TLK1: variants seen among roughly 807,000 people sequenced by gnomAD.
TLK1 encodes the protein tousled like kinase 1.
Under a neutral mutation model 105.3 loss-of-function variants are expected in TLK1, and 24 were observed. The observed-to-expected ratio is 0.23, with a 90% CI of 0.17 to 0.32. TLK1 has a LOEUF of 0.32. Among genes scored for constraint, TLK1 ranks in the 10% least tolerant of loss-of-function variants. The probability of loss-of-function intolerance (pLI) is 1.00; values close to 1 mark genes in which losing one functional copy is unlikely to be tolerated. For missense variants in TLK1, 558 were observed against 910.5 expected (o/e 0.61, Z 4.98); for synonymous variants, 321 against 310.4 (o/e 1.03, Z -0.36).
At chr2:171,031,469 G>C (rs1206945748) in intron 11 of TLK1, among the ~76,000 whole-genome samples, 1 of 152,072 alleles carries the variant, frequency 6.6e-6, no homozygotes, top group Non-Finnish European at 1.5e-5. Flanking sequence ...AAACAATTCA[G>C]TTAAATTACT....
chr2:171,196,253 A>G (rs1269338679), intron 1 of TLK1, among the ~76,000 whole-genome samples: 1 of 151,652 alleles, frequency 6.6e-6, no homozygotes, highest in Non-Finnish European at 1.5e-5. Context: ...AGTAGCTTTG[A>G]ATATAGGTGC....
In TLK1 at chr2:170,993,764, C is replaced by T. The variant is rs370522079; in HGVS notation, c.*16G>A. ...GGAAGCAAATTCAAAGATATCATGC[C>T]AATCTTGGAGGAAAGTCAGTAAGTA... On this transcript the variant is annotated 3_prime_UTR_variant, in exon 21 of 21. Coordinates refer to ENST00000431350, the MANE Select transcript of TLK1 (RefSeq NM_012290.5). The T allele has an allele frequency of 3.3e-5, 51 of 1,534,160 alleles. No homozygotes were observed. Among genetic ancestry groups the T allele is most frequent in the Non-Finnish European group, 4.5e-5 (51 of 1,137,648 alleles).
intron 11 of TLK1, among the ~76,000 whole-genome samples, chr2:171,033,294 C>T (rs1265169058): frequency 6.6e-6 from 1 of 151,952 alleles, no homozygotes; most frequent in African/African-American, 2.4e-5. Flanking sequence ...AGATTTGTCA[C>T]CAAAAGCATA....
At chr2:171,160,981 G>GGCGGCGGCAGCGGCGGCC (rs1553485647), upstream of TLK1, 5 of 195,058 alleles carry the variant, frequency 2.6e-5, no homozygotes, top group East Asian at 4.5e-4. The surrounding 1 kb of genome is among the most constrained non-coding windows in gnomAD (Gnocchi z 4.4). Context: ...CGGCGGCGGC[G>GGCGGCGGCAGCGGCGGCC]GCGGCGGCAG....
At chr2:171,018,427 G>T (rs1685310555) in intron 12 of TLK1, among the ~76,000 whole-genome samples, 1 of 152,210 alleles carries the variant, frequency 6.6e-6, no homozygotes, top group African/African-American at 2.4e-5. Context: ...ATGGGGCAAG[G>T]CCCAGTTTTG....
At chr2:171,070,462 C>G (rs1217411194) in intron 3 of TLK1, among the ~76,000 whole-genome samples, 1 of 152,026 alleles carries the variant, frequency 6.6e-6, no homozygotes, top group Non-Finnish European at 1.5e-5. Flanking sequence ...ATCTTTTTAC[C>G]CTCTTTCCCC....
At chr2:171,086,343 A>G (rs531502262) in intron 2 of TLK1, among the ~76,000 whole-genome samples, 1 of 152,296 alleles carries the variant, frequency 6.6e-6, no homozygotes, top group East Asian at 1.9e-4. Context: ...AAGGGAACAG[A>G]GGCTGGGTGC....
At chr2:171,038,046 A>T (rs1043298582) in intron 11 of TLK1, among the ~76,000 whole-genome samples, 1 of 152,222 alleles carries the variant, frequency 6.6e-6, no homozygotes, top group African/African-American at 2.4e-5. Flanking sequence ...TTACAGAACT[A>T]TGTGGATTTT....
intron 12 of TLK1, among the ~76,000 whole-genome samples, chr2:171,022,102 C>CACACACACACAG (rs1685551203): frequency 9.9e-5 from 4 of 40,340 alleles, no homozygotes; most frequent in South Asian, 5.7e-3. Flanking sequence ...CACACACACA[C>CACACACACACAG]ACACACACAC....
rs1684636905 is a variant in TLK1 at position 171,006,054 on chromosome 2, T to C, written c.1904+93A>G. 4.7e-6 allele frequency: 6 copies of C among 1,282,314 alleles called. No homozygotes were observed. The South Asian group carries it at 1.1e-4, about 23-fold the overall frequency. The allele number at this position is 1,282,314 out of a possible 1,614,324, so 79.4% of individuals were successfully genotyped here. ...AGTACCTTTACCACAGTAATCTTAA[T>C]GGCTACATGGAAATAAAAAAAAAAA... On this transcript the variant is annotated intron_variant, in intron 18 of 20. Coordinates refer to ENST00000431350, the MANE Select transcript of TLK1 (RefSeq NM_012290.5).
Position 171,160,593 on chromosome 2 carries a change from G to T in TLK1, c.-165C>A. 8.8e-7 allele frequency: 1 copy of T among 1,134,762 alleles called. No homozygotes were observed. Among genetic ancestry groups the T allele is most frequent in the South Asian group, 1.6e-5 (1 of 63,974 alleles). 70.3% of individuals were successfully genotyped at this position (1,134,762 alleles called of 1,614,324 possible). ...GGGGGAGGAAACCGAGAAGAGGGGA[G>T]GTGGGGAGGAAAGAGGTGAGGGAAG... On this transcript the variant is annotated 5_prime_UTR_variant, in exon 1 of 21. Transcript: ENST00000431350. The surrounding 1 kb of genome is among the most constrained non-coding windows in gnomAD (Gnocchi z 4.4).
intron 10 of TLK1, among the ~76,000 whole-genome samples, chr2:171,047,987 C>T (rs966289177): frequency 6.6e-6 from 1 of 152,176 alleles, no homozygotes; most frequent in African/African-American, 2.4e-5. Context: ...CTCACTCTGT[C>T]GCCCAGGCTG....
At position 170,991,180 on chromosome 2, in the gene TLK1, C is replaced by G. The variant is rs1001477770; in HGVS notation, c.*2600G>C. ...ATATGCAAAAACTGTTGATTTTACCCTACATCAGTGCTGACTCTTAATAAA... is the reference window on the plus strand; with the variant it reads ...ATATGCAAAAACTGTTGATTTTACCGTACATCAGTGCTGACTCTTAATAAA... On this transcript the variant is annotated 3_prime_UTR_variant, in exon 21 of 21. Transcript: ENST00000431350. 3 of 152,078 alleles carry G rather than the reference C, an allele frequency of 2.0e-5. No homozygotes were observed. The highest frequency in any genetic ancestry group is 7.2e-5 in the African/African-American group (3 of 41,390). The allele number at this position is 152,078 out of a possible 1,614,324, so 9.4% of individuals were successfully genotyped here.
rs766099443 is a variant in TLK1 at position 171,056,514 on chromosome 2, C to T, written c.506G>A (p.Arg169His). ...SPVRGIPPAIRSPQNSHSHST... is the reference protein window; with the variant it reads ...SPVRGIPPAIHSPQNSHSHST... ...ATGTGAATGTGAATTTTGAGGAGAA[C>T]GGATTGCAGGAGGTATGCCTCTTAC... Residue 169 changes from arginine to histidine, a missense_variant, in exon 6 of 21, where the codon CGT (arginine) becomes CAT (histidine). Arg to His is a conservative substitution (Grantham distance 29, BLOSUM62 0). Transcript: ENST00000431350. 5.0e-6 allele frequency: 8 copies of T among 1,611,920 alleles called. No individual in the cohort carries two copies. In the East Asian group the frequency reaches 6.7e-5, roughly 13 times the overall value.
At chr2:171,058,908 A>C (rs890809768) in intron 4 of TLK1, among the ~76,000 whole-genome samples, 1 of 152,214 alleles carries the variant, frequency 6.6e-6, no homozygotes, top group African/African-American at 2.4e-5. Context: ...AGCTTTGCTT[A>C]ATATAAACAT....
chr2:171,068,632 T>C (rs1688121311), intron 3 of TLK1, among the ~76,000 whole-genome samples: 1 of 152,196 alleles, frequency 6.6e-6, no homozygotes. Flanking sequence ...ATCATTAATT[T>C]TAAAAAGGTC....
intron 1 of TLK1, among the ~76,000 whole-genome samples, chr2:171,126,512 AT>A (rs958451379): frequency 6.6e-6 from 1 of 152,188 alleles, no homozygotes; most frequent in Non-Finnish European, 1.5e-5. Flanking sequence ...ACAAGGAATC[AT>A]TTTTTCATTA....
intron 2 of TLK1, among the ~76,000 whole-genome samples, chr2:171,095,253 C>G (rs1321017410): frequency 2.0e-5 from 3 of 150,734 alleles, no homozygotes; most frequent in Non-Finnish European, 4.4e-5. Context: ...CCAAAGCAAG[C>G]AGGGGGGAAA....
intron 8 of TLK1, 30 bp downstream of exon 8, chr2:171,053,730 AT>A (rs1159783819): frequency 2.1e-5 from 31 of 1,497,518 alleles, no homozygotes; most frequent in African/African-American, 1.9e-4. Context: ...AATTTATTCA[AT>A]TTTTTTCCCC....
Sources: gnomAD v4.1 joint callset for allele counts (sites outside exome capture counted in the v4.1 genomes callset) on GRCh38, gnomAD v4.1.1 for gene constraint, Gnocchi (gnomAD v3.1) non-coding constraint, MANE v1.5 for transcripts, NCBI Gene and HGNC (gene_info 2026-07-23, HGNC 2026-07-21) for gene names.